SOX6: variants seen among roughly 807,000 people sequenced by gnomAD.
The protein encoded by SOX6 is transcription factor SOX-6.
In SOX6, 11 loss-of-function variants were observed where a neutral mutation model predicts 97.8. The ratio of observed to expected loss-of-function variants is 0.11; its 90% CI spans 0.07 to 0.19. SOX6 has a LOEUF of 0.19. Among genes scored for constraint, SOX6 ranks in the 10% least tolerant of loss-of-function variants. The probability of loss-of-function intolerance (pLI) is 1.00; values close to 1 mark genes in which losing one functional copy is unlikely to be tolerated. For synonymous variants in SOX6, 360 were observed against 371.4 expected (o/e 0.97, Z 0.35); for missense variants, 810 against 1,039.5 (o/e 0.78, Z 3.04).
intron 1 of SOX6, among the ~76,000 whole-genome samples, chr11:16,383,475 A>G (rs1759362401): frequency 6.6e-6 from 1 of 151,864 alleles, no homozygotes; most frequent in South Asian, 2.1e-4. Flanking sequence ...CCACTTACCA[A>G]TAATATAATC....
chr11:16,530,142 G>A (rs1229044092), intron 4 of SOX6, among the ~76,000 whole-genome samples: 1 of 151,912 alleles, frequency 6.6e-6, no homozygotes, highest in Non-Finnish European at 1.5e-5. Context: ...GTGTGACACT[G>A]CACTATCAGC....
At chr11:16,188,205 G>A (rs1049383570) in intron 4 of SOX6, among the ~76,000 whole-genome samples, 2 of 146,214 alleles carry the variant, frequency 1.4e-5, no homozygotes, top group African/African-American at 2.6e-5. Context: ...GACTATCGTG[G>A]GATTCTTAAT....
At chr11:16,098,623 A>G (rs1433803535) in intron 7 of SOX6, among the ~76,000 whole-genome samples, 1 of 151,896 alleles carries the variant, frequency 6.6e-6, no homozygotes, top group African/African-American at 2.4e-5. Context: ...AAATTTCACA[A>G]TATCAGTGAT....
At chr11:16,286,862 T>C (rs1453192398) in intron 3 of SOX6, among the ~76,000 whole-genome samples, 1 of 152,102 alleles carries the variant, frequency 6.6e-6, no homozygotes, top group African/African-American at 2.4e-5. Context: ...ACCAAAAAAG[T>C]GGTAGAACAG....
intron 6 of SOX6, among the ~76,000 whole-genome samples, chr11:16,139,374 A>G (rs1446198348): frequency 6.6e-6 from 1 of 152,110 alleles, no homozygotes; most frequent in African/African-American, 2.4e-5. Flanking sequence ...TGTCTTGTAT[A>G]TTTATTAGTT....
intron 4 of SOX6, among the ~76,000 whole-genome samples, chr11:16,556,250 C>T (rs1026213692): frequency 3.3e-5 from 5 of 151,616 alleles, no homozygotes; most frequent in Admixed American, 3.3e-4. Flanking sequence ...ATCGAAAGTG[C>T]TGATATTCTA....
intron 1 of SOX6, among the ~76,000 whole-genome samples, chr11:16,470,893 T>C (rs762258335): frequency 3.3e-5 from 5 of 152,126 alleles, no homozygotes; most frequent in Non-Finnish European, 5.9e-5. Context: ...TATTATTGCC[T>C]CAAGCCTAGA....
chr11:16,134,630 T>G (rs1278889901), intron 6 of SOX6, among the ~76,000 whole-genome samples: 1 of 152,216 alleles, frequency 6.6e-6, no homozygotes, highest in African/African-American at 2.4e-5. Context: ...TTTCTTATTA[T>G]TATATCTGTT....
intron 3 of SOX6, among the ~76,000 whole-genome samples, chr11:16,633,359 T>G (rs1334318374): frequency 1.3e-5 from 2 of 152,208 alleles, no homozygotes; most frequent in African/African-American, 4.8e-5. Context: ...GTTCCTCTCT[T>G]TATATATTCT....
At chr11:16,151,640 A>C (rs1264077969) in intron 6 of SOX6, among the ~76,000 whole-genome samples, 1 of 152,198 alleles carries the variant, frequency 6.6e-6, no homozygotes, top group Admixed American at 6.5e-5. Flanking sequence ...AAAAATCCTC[A>C]TAAAATCAGA....
chr11:16,412,746 C>G (rs1858847119), intron 1 of SOX6, among the ~76,000 whole-genome samples: 1 of 152,200 alleles, frequency 6.6e-6, no homozygotes. Flanking sequence ...CTCCTTCTCT[C>G]TCTCAGGCAG....
At chr11:16,029,035 C>T (rs938400038) in intron 12 of SOX6, among the ~76,000 whole-genome samples, 12 of 152,136 alleles carry the variant, frequency 7.9e-5, no homozygotes, top group Non-Finnish European at 1.2e-4. Flanking sequence ...GCGACTGCAC[C>T]AACTTTATTT....
chr11:16,390,308 A>G (rs966992585), intron 1 of SOX6, among the ~76,000 whole-genome samples: 1 of 152,118 alleles, frequency 6.6e-6, no homozygotes. Context: ...AAGCTTGAAA[A>G]TGACAAACTT....
At chr11:16,686,798 C>A (rs1847972547) in intron 3 of SOX6, among the ~76,000 whole-genome samples, 1 of 152,188 alleles carries the variant, frequency 6.6e-6, no homozygotes, top group South Asian at 2.1e-4. Flanking sequence ...GCTATTCTTG[C>A]ATTGCTATAA....
chr11:16,247,722 A>G (rs1475069805), intron 3 of SOX6, among the ~76,000 whole-genome samples: 1 of 152,186 alleles, frequency 6.6e-6, no homozygotes, highest in African/African-American at 2.4e-5. Context: ...CATGGGGACT[A>G]TAAGAACTAC....
chr11:16,326,865 T>C (rs967853496), intron 2 of SOX6, among the ~76,000 whole-genome samples: 1 of 152,198 alleles, frequency 6.6e-6, no homozygotes, highest in Non-Finnish European at 1.5e-5. Context: ...CAAAGGCTTC[T>C]TTACTCACAG....
In SOX6 at chr11:16,488,592, G is replaced by A. The variant is rs560271349; in HGVS notation, n.610-12204C>T. On this transcript the variant is annotated intron_variant and non_coding_transcript_variant, in intron 4 of 5. Coordinates refer to the SOX6 transcript ENST00000524520. ...AAAGAGGAATGCCTTAAGGGTACAA[G>A]ACCCTACAGTTGTGACTTTAGTAAT... Among the ~76,000 whole-genome samples, 10 of 152,202 alleles carry A rather than the reference G, an allele frequency of 6.6e-5. No individual in the cohort carries two copies. The South Asian group carries it at 2.1e-3, about 31-fold the overall frequency.
chr11:16,292,625 G>T (rs1194110574), intron 3 of SOX6, among the ~76,000 whole-genome samples: 2 of 152,142 alleles, frequency 1.3e-5, no homozygotes, highest in African/African-American at 4.8e-5. Flanking sequence ...TCAGAAGAAA[G>T]AAATAAAACT....
chr11:16,653,148 A>G (rs1428266843), intron 3 of SOX6, among the ~76,000 whole-genome samples: 3 of 152,236 alleles, frequency 2.0e-5, no homozygotes, highest in East Asian at 1.9e-4. Flanking sequence ...GTGAAAAGGG[A>G]ACACTTACAC....
Sources: gnomAD v4.1 joint callset for allele counts (sites outside exome capture counted in the v4.1 genomes callset) on GRCh38, gnomAD v4.1.1 for gene constraint, MANE v1.5 for transcripts, NCBI Gene and HGNC (gene_info 2026-07-23, HGNC 2026-07-21) for gene names.